AFF4: variants seen among roughly 807,000 people sequenced by gnomAD.
The protein encoded by AFF4 is AF4/FMR2 family member 4.
AFF4 carries 13 observed loss-of-function variants against 124.8 expected under a neutral mutation model. The observed-to-expected ratio is 0.10, with a 90% CI of 0.07 to 0.17. The LOEUF is 0.17. Ranked by LOEUF, AFF4 falls within the 10% of genes least tolerant of loss-of-function variation. The pLI, the probability that AFF4 is intolerant of heterozygous loss-of-function variation, is 1.00. For missense variants in AFF4, 1,092 were observed against 1,403.8 expected (o/e 0.78, Z 3.55); for synonymous variants, 477 against 496.1 (o/e 0.96, Z 0.51).
chr5:132,944,705 G>A (rs562052510), intron 1 of AFF4, among the ~76,000 whole-genome samples: 3 of 152,002 alleles, frequency 2.0e-5, no homozygotes, highest in East Asian at 1.9e-4. Flanking sequence ...TGAGGCAGGC[G>A]GACAACCTGA....
rs564413827 is a variant in AFF4 at position 132,945,985 on chromosome 5, G to A, written c.-4-8792C>T. Among the ~76,000 whole-genome samples, 61 of 152,184 alleles carry A rather than the reference G, an allele frequency of 4.0e-4. 1 individual carries two copies. In the South Asian group the frequency reaches 0.012, roughly 29 times the overall value. The stretch of plus-strand genomic sequence containing the variant: ...TGAGGCAGGAGAATTGCTTGAACCC[G>A]GGACGCGGAGGTTGTGGTGAGCCAC... On this transcript the variant is annotated intron_variant, in intron 1 of 20. Transcript: ENST00000265343.
intron 17 of AFF4, among the ~76,000 whole-genome samples, chr5:132,886,713 G>C (rs531759309): frequency 3.6e-4 from 55 of 152,298 alleles, no homozygotes; most frequent in Middle Eastern, 3.4e-3. Flanking sequence ...CCAAACCAAA[G>C]TGTAAACAAT....
chr5:132,934,606 A>C lies in AFF4; in HGVS notation c.459T>G (p.Arg153=), dbSNP rs767141478. ...TGCTCCCACTATTGTTATATGACTC[A>C]CGGTCGTGCCTCTGACCACTACTGT... ...GTNSSGQRHD[R]ESYNNSGSSS... is the part of the protein sequence containing the mutation. Residue 153 remains arginine (R), a synonymous_variant, in exon 3 of 21, where the codon CGT becomes CGG. Coordinates refer to ENST00000265343, the MANE Select transcript of AFF4 (RefSeq NM_014423.4). 1.9e-6 allele frequency: 3 copies of C among 1,613,994 alleles called. No individual in the cohort carries two copies. Among genetic ancestry groups the C allele is most frequent in the Non-Finnish European group, 2.5e-6 (3 of 1,179,994 alleles).
In AFF4 at chr5:132,877,454, A is replaced by C. The variant is rs182831998; in HGVS notation, c.*3605T>G. The C allele has an allele frequency of 9.0e-4, 195 of 215,892 alleles. No homozygotes were observed. The highest frequency in any genetic ancestry group is 7.6e-3 in the South Asian group (41 of 5,388). The allele number at this position is 215,892 out of a possible 1,614,324, so 13.4% of individuals were successfully genotyped here. A position where few individuals can be genotyped will look rare whatever the true frequency, so the allele number is the denominator to read the frequency against. ...TAGATCAATTTAATAAATAATGTGG[A>C]AATAGTTGCACTAAGCTAAAATACT... On this transcript the variant is annotated 3_prime_UTR_variant, in exon 21 of 21. Coordinates refer to ENST00000265343, the MANE Select transcript of AFF4 (RefSeq NM_014423.4).
chr5:132,930,768 T>C (rs904021468), intron 4 of AFF4, among the ~76,000 whole-genome samples: 2 of 151,936 alleles, frequency 1.3e-5, no homozygotes, highest in African/African-American at 4.8e-5. Flanking sequence ...AATAGAGTAA[T>C]GTACTTTTTG....
Position 132,934,681 on chromosome 5 carries a change from C to T in AFF4, c.384G>A (p.Gln128=). Reference sequence around the variant, plus strand: ...TGGTCCGCTGGCTACTATGTCCACTCTGTAAGCCTGAGGACCGTTTCTGAG... The same window carrying T: ...TGGTCCGCTGGCTACTATGTCCACTTTGTAAGCCTGAGGACCGTTTCTGAG... ...SQSQKRSSGL[Q]SGHSSQRTSA... Residue 128 remains glutamine (Q), a synonymous_variant, in exon 3 of 21, where the codon CAG becomes CAA. Transcript: ENST00000265343. The T allele has an allele frequency of 1.2e-6, 2 of 1,614,146 alleles. No individual in the cohort carries two copies. Among genetic ancestry groups the T allele is most frequent in the Non-Finnish European group, 1.7e-6 (2 of 1,180,044 alleles).
intron 5 of AFF4, among the ~76,000 whole-genome samples, chr5:132,911,237 C>T (rs1760785544): frequency 6.6e-6 from 1 of 152,152 alleles, no homozygotes; most frequent in African/African-American, 2.4e-5. Flanking sequence ...TCTCTGTTTG[C>T]TTCAAAAGAC....
At chr5:132,899,046 A>G in intron 9 of AFF4, 58 bp downstream of exon 9, 1 of 1,457,018 alleles carries the variant, frequency 6.9e-7, no homozygotes, top group Non-Finnish European at 9.6e-7. Context: ...ATATCCCTGC[A>G]ATGTTATCAG....
chr5:132,876,956 A>G lies in AFF4; in HGVS notation c.*4103T>C, dbSNP rs1759853411. 1 of 196,982 alleles carries G rather than the reference A, an allele frequency of 5.1e-6. No individual in the cohort carries two copies. The highest frequency in any genetic ancestry group is 2.3e-5 in the African/African-American group (1 of 43,296). 12.2% of individuals were successfully genotyped at this position (196,982 alleles called of 1,614,324 possible). Reference sequence around the variant, plus strand: ...GTATTCAATAATTATCTCTTCTATTAGTTTTACTGAATAGCAACCTTAGAT... The same window carrying G: ...GTATTCAATAATTATCTCTTCTATTGGTTTTACTGAATAGCAACCTTAGAT... On this transcript the variant is annotated 3_prime_UTR_variant, in exon 21 of 21. Transcript: ENST00000265343.
In AFF4 at chr5:132,891,802, T is replaced by A. The variant is rs76247369; in HGVS notation, c.2637+362A>T. The A allele has an allele frequency of 7.0e-3, 1,427 of 203,096 alleles. 8 individuals are homozygous for A. The highest frequency in any genetic ancestry group is 0.031 in the Middle Eastern group (20 of 642). The allele number at this position is 203,096 out of a possible 1,614,324, so 12.6% of individuals were successfully genotyped here. Reference sequence around the variant, plus strand: ...CTTTTCCAATGACTGGTTTCTATCTTTTTTTTTTTTTTTTAAATTTTAAAG... The same window carrying A: ...CTTTTCCAATGACTGGTTTCTATCTATTTTTTTTTTTTTTAAATTTTAAAG... On this transcript the variant is annotated intron_variant, in intron 13 of 20. Coordinates refer to ENST00000265343, the MANE Select transcript of AFF4 (RefSeq NM_014423.4).
At chr5:132,909,568 G>C (rs763728275) in intron 5 of AFF4, among the ~76,000 whole-genome samples, 1 of 152,110 alleles carries the variant, frequency 6.6e-6, no homozygotes, top group African/African-American at 2.4e-5. Flanking sequence ...GTGTGAGATA[G>C]AGAGATTAAA....
intron 5 of AFF4, among the ~76,000 whole-genome samples, chr5:132,915,141 ACCAT>A: frequency 6.6e-6 from 1 of 152,124 alleles, no homozygotes; most frequent in Non-Finnish European, 1.5e-5. Flanking sequence ...GATGGTCTAG[ACCAT>A]CCTGGCTAAC....
At chr5:132,884,436 T>G (rs140358012) in intron 19 of AFF4, among the ~76,000 whole-genome samples, 56 of 152,226 alleles carry the variant, frequency 3.7e-4, no homozygotes, top group Middle Eastern at 3.4e-3. Flanking sequence ...CAGATGGGGT[T>G]TCACCATGTT....
Position 132,875,574 on chromosome 5 carries a change from C to T in AFF4, c.*5485G>A, listed in dbSNP as rs1478183647. 5 of 192,290 alleles carry T rather than the reference C, an allele frequency of 2.6e-5. No individual in the cohort carries two copies. Among genetic ancestry groups the T allele is most frequent in the African/African-American group, 4.6e-5 (2 of 43,024 alleles). The allele number at this position is 192,290 out of a possible 1,614,324, so 11.9% of individuals were successfully genotyped here. Reference sequence around the variant, plus strand: ...AATTTGTTTAAAAATACACATTAAACGCATGTTTGACACTCTAAACTTTCT... The same window carrying T: ...AATTTGTTTAAAAATACACATTAAATGCATGTTTGACACTCTAAACTTTCT... On this transcript the variant is annotated 3_prime_UTR_variant, in exon 21 of 21. Coordinates refer to ENST00000265343, the MANE Select transcript of AFF4 (RefSeq NM_014423.4).
In AFF4 at chr5:132,925,397, C is replaced by G. The variant is rs185331768; in HGVS notation, c.1050+1724G>C. Among the ~76,000 whole-genome samples the G allele has an allele frequency of 1.3e-4, 20 of 151,844 alleles. 1 individual carries two copies. In the East Asian group the frequency reaches 3.5e-3, roughly 26 times the overall value. ...ATGATCCTAGAGAAAGAAAAGTCTT[C>G]TTTAACAAGACATTAAAAGCAAAAA... On this transcript the variant is annotated intron_variant, in intron 5 of 20. Transcript: ENST00000265343.
chr5:132,955,891 T>C (rs1192196486), intron 1 of AFF4, among the ~76,000 whole-genome samples: 2 of 147,166 alleles, frequency 1.4e-5, no homozygotes, highest in African/African-American at 4.9e-5. Context: ...CAGAGTATAT[T>C]ATATATGCTA....
Position 132,916,778 on chromosome 5 carries a change from T to C in AFF4, c.1050+10343A>G, listed in dbSNP as rs577637402. Among the ~76,000 whole-genome samples, 23 of 152,220 alleles carry C rather than the reference T, an allele frequency of 1.5e-4. 1 individual carries two copies. The South Asian group carries it at 3.1e-3, about 21-fold the overall frequency. On this transcript the variant is annotated intron_variant, in intron 5 of 20. Transcript: ENST00000265343. ...AAGAAGGGAACAATACAGACCAAGA[T>C]AGCCCAGGAATACAGACGCAAAAAT...
intron 1 of AFF4, chr5:132,943,928 T>C (rs1043325649): frequency 9.8e-5 from 16 of 163,884 alleles, no homozygotes; most frequent in Non-Finnish European, 1.9e-4. Flanking sequence ...CCTAAATTCT[T>C]GAAATCTGGT....
chr5:132,915,238 G>A (rs1049597984), intron 5 of AFF4, among the ~76,000 whole-genome samples: 7 of 152,030 alleles, frequency 4.6e-5, no homozygotes, highest in African/African-American at 1.7e-4. Flanking sequence ...CTACTCAGGA[G>A]GCTGAGGCAG....
Sources: allele counts gnomAD v4.1 joint callset (sites outside exome capture counted in the v4.1 genomes callset), GRCh38; gene constraint gnomAD v4.1.1; transcripts MANE v1.5; gene names NCBI Gene and HGNC (gene_info 2026-07-23, HGNC 2026-07-21).